ROR1: variants seen among roughly 807,000 people sequenced by gnomAD.
ROR1 encodes ROR family WNT receptor 1.
ROR1 carries 19 observed loss-of-function variants against 78.8 expected under a neutral mutation model. That is an observed-to-expected ratio of 0.24 (90% CI 0.17 to 0.35). The LOEUF (loss-of-function observed/expected upper bound fraction) is 0.35, where lower values mean the gene tolerates loss of function less well. Ranked by LOEUF, ROR1 falls within the 10% of genes least tolerant of loss-of-function variation. ROR1 has a pLI of 1.00. For missense variants in ROR1, 917 were observed against 1,177.8 expected, an observed-to-expected ratio of 0.78 and a Z score of 3.24; for synonymous variants, 386 against 433.6, an observed-to-expected ratio of 0.89 and a Z score of 1.36.
At chr1:64,134,611 A>G (rs72686908) in intron 4 of ROR1, among the ~76,000 whole-genome samples, 254 of 152,306 alleles carry the variant, frequency 1.7e-3, no homozygotes, top group Non-Finnish European at 2.8e-3. Context: ...GTGGTTCTCA[A>G]CCACATTCAA....
chr1:63,965,014 G>A (rs1287197376), intron 1 of ROR1, among the ~76,000 whole-genome samples: 2 of 152,144 alleles, frequency 1.3e-5, no homozygotes, highest in African/African-American at 4.8e-5. Context: ...CTCTCAACAG[G>A]TACAAGGAAA....
At chr1:63,889,263 G>A (rs993902449) in intron 1 of ROR1, among the ~76,000 whole-genome samples, 1 of 152,152 alleles carries the variant, frequency 6.6e-6, no homozygotes, top group African/African-American at 2.4e-5. Context: ...TAGTCATAGA[G>A]TTTGACTGTG....
At chr1:63,936,391 T>A (rs2100450909) in intron 1 of ROR1, among the ~76,000 whole-genome samples, 1 of 152,342 alleles carries the variant, frequency 6.6e-6, no homozygotes, top group Admixed American at 6.5e-5. Context: ...ACAGTCATTG[T>A]GGTATTTCAT....
chr1:64,059,708 T>TAAAAAAAAAAAAAAAAAAAA (rs75359961), intron 4 of ROR1, among the ~76,000 whole-genome samples: 11 of 130,818 alleles, frequency 8.4e-5, no homozygotes, highest in African/African-American at 2.9e-4. Flanking sequence ...GACTCCATCT[T>TAAAAAAAAAAAAAAAAAAAA]AAAAAAAAAA....
At chr1:63,899,269 C>T (rs1645466041) in intron 1 of ROR1, among the ~76,000 whole-genome samples, 1 of 151,124 alleles carries the variant, frequency 6.6e-6, no homozygotes, top group Non-Finnish European at 1.5e-5. Flanking sequence ...CTGACTGTAG[C>T]AGCATACACA....
At chr1:64,032,627 C>T (rs1405459665) in intron 2 of ROR1, among the ~76,000 whole-genome samples, 1 of 152,164 alleles carries the variant, frequency 6.6e-6, no homozygotes, top group Admixed American at 6.5e-5. Context: ...CTTATAACAT[C>T]ATAGCTTCTC....
chr1:64,129,970 G>A (rs537861322), intron 4 of ROR1, among the ~76,000 whole-genome samples: 39 of 152,058 alleles, frequency 2.6e-4, no homozygotes, highest in Middle Eastern at 6.8e-3. Context: ...ATGACAGAAC[G>A]TTATTCATCT....
chr1:63,988,303 G>T (rs1279850371), intron 1 of ROR1, among the ~76,000 whole-genome samples: 3 of 152,120 alleles, frequency 2.0e-5, no homozygotes, highest in African/African-American at 7.2e-5. Flanking sequence ...TTGATGAAGT[G>T]CTTATCTTGT....
intron 4 of ROR1, among the ~76,000 whole-genome samples, chr1:64,115,406 TA>T (rs1648281020): frequency 6.6e-6 from 1 of 151,856 alleles, no homozygotes; most frequent in Non-Finnish European, 1.5e-5. Flanking sequence ...TTTATTTATT[TA>T]TTTATTTTGT....
At chr1:64,008,115 C>T (rs1029643191) in intron 1 of ROR1, among the ~76,000 whole-genome samples, 1 of 152,048 alleles carries the variant, frequency 6.6e-6, no homozygotes, top group African/African-American at 2.4e-5. Flanking sequence ...GTTTTTCAAC[C>T]CTTGCCCCAC....
chr1:63,877,538 G>A lies in ROR1; in HGVS notation c.91+103030G>A, dbSNP rs139420073. The stretch of plus-strand genomic sequence containing the variant: ...TTGTAAAATTGTGGTAAAGGGATTG[G>A]CCCTGGAGGGAGTAGGGTGAGGTGG... On this transcript the variant is annotated intron_variant, in intron 1 of 8. Coordinates refer to ENST00000371079, the MANE Select transcript of ROR1 (RefSeq NM_005012.4). Among the ~76,000 whole-genome samples the A allele has an allele frequency of 3.9e-4, 60 of 152,230 alleles. No homozygotes were observed. In the Middle Eastern group the frequency reaches 0.01, roughly 26 times the overall value.
At chr1:63,794,481 G>A (rs554204420) in intron 1 of ROR1, among the ~76,000 whole-genome samples, 2 of 152,202 alleles carry the variant, frequency 1.3e-5, no homozygotes, top group Non-Finnish European at 2.9e-5. Flanking sequence ...ACTAGGCCAC[G>A]AAGGAACCAG....
intron 2 of ROR1, among the ~76,000 whole-genome samples, chr1:64,035,393 G>A (rs543628675): frequency 4.7e-4 from 71 of 152,086 alleles, no homozygotes; most frequent in Non-Finnish European, 8.7e-4. Context: ...CTTTATATGC[G>A]ATACCTTTCA....
intron 4 of ROR1, among the ~76,000 whole-genome samples, chr1:64,067,634 T>C (rs1418153660): frequency 6.6e-6 from 1 of 151,930 alleles, no homozygotes; most frequent in African/African-American, 2.4e-5. Context: ...TGGTTCATCA[T>C]TTTTAGAATA....
intron 8 of ROR1, among the ~76,000 whole-genome samples, chr1:64,161,199 A>G (rs916781738): frequency 1.2e-4 from 19 of 152,212 alleles, no homozygotes; most frequent in African/African-American, 4.6e-4. Context: ...TATTATTACT[A>G]TTGTACAACC....
chr1:64,101,750 A>C (rs1293603556), intron 4 of ROR1, among the ~76,000 whole-genome samples: 1 of 152,180 alleles, frequency 6.6e-6, no homozygotes, highest in Non-Finnish European at 1.5e-5. Context: ...CCTCTCCGAT[A>C]AGGTGGCATT....
chr1:64,077,457 A>T (rs1264333894), intron 4 of ROR1, among the ~76,000 whole-genome samples: 2 of 148,360 alleles, frequency 1.3e-5, no homozygotes, highest in African/African-American at 2.5e-5. Context: ...GCAGAGGTGG[A>T]GCTGAGCTCT....
chr1:64,027,221 T>C (rs1646619240), intron 2 of ROR1, among the ~76,000 whole-genome samples: 1 of 152,220 alleles, frequency 6.6e-6, no homozygotes, highest in East Asian at 1.9e-4. Context: ...CAGAATCTCT[T>C]CTTTCTCTGA....
chr1:64,022,638 G>A (rs1418587578), intron 2 of ROR1, among the ~76,000 whole-genome samples: 1 of 152,170 alleles, frequency 6.6e-6, no homozygotes, highest in African/African-American at 2.4e-5. Context: ...GACTTCTTGT[G>A]TCCTCAGTTG....
Sources: gnomAD v4.1 joint callset for allele counts (sites outside exome capture counted in the v4.1 genomes callset) on GRCh38, gnomAD v4.1.1 for gene constraint, MANE v1.5 for transcripts, NCBI Gene and HGNC (gene_info 2026-07-23, HGNC 2026-07-21) for gene names.